The following TYW1 variants were observed in gnomAD, a reference collection of about 807,000 sequenced individuals.
TYW1 encodes the protein S-adenosyl-L-methionine-dependent tRNA 4-demethylwyosine synthase TYW1.
Under a neutral mutation model 96.2 loss-of-function variants are expected in TYW1, and 46 were observed. That is an observed-to-expected ratio of 0.48 (90% CI 0.38 to 0.61). TYW1 has a LOEUF of 0.61. Among genes scored for constraint, TYW1 ranks in the 20% least tolerant of loss-of-function variants. The pLI, the probability that TYW1 is intolerant of heterozygous loss-of-function variation, is 0.00. For missense variants in TYW1, 684 were observed against 909.6 expected, an observed-to-expected ratio of 0.75 and a Z score of 3.19; for synonymous variants, 274 against 323.0, an observed-to-expected ratio of 0.85 and a Z score of 1.63.
Position 67,083,462 on chromosome 7 carries a change from G to A in TYW1, c.1307G>A (p.Arg436Gln), listed in dbSNP as rs762429631. 23 of 1,613,996 alleles carry A rather than the reference G, an allele frequency of 1.4e-5. No homozygotes were observed. The highest frequency in any genetic ancestry group is 5.5e-5 in the South Asian group (5 of 91,088). Residue 436 changes from arginine (R) to glutamine (Q), a missense_variant, in exon 11 of 16, where the codon CGG becomes CAG. Transcript: ENST00000359626. ...HHTNPVGTEW[R>Q]WKMDQPEMIL... The stretch of plus-strand genomic sequence containing the variant: ...ACCAACCCCGTGGGCACTGAGTGGC[G>A]GTGGAAGATGGACCAGCCTGAAATG...
At position 67,238,777 on chromosome 7, in the gene TYW1, G is replaced by A; in HGVS notation, c.*248G>A. ...TTACTTCTAAGAGGAAAATTATTTT[G>A]GGGAGGAACTACACAGTCGTGATTA... On this transcript the variant is annotated 3_prime_UTR_variant, in exon 16 of 16. Coordinates refer to ENST00000359626, the MANE Select transcript of TYW1 (RefSeq NM_018264.4). 4 of 1,337,844 alleles carry A rather than the reference G, an allele frequency of 3.0e-6. No individual in the cohort carries two copies. The highest frequency in any genetic ancestry group is 3.8e-6 in the Non-Finnish European group (4 of 1,040,730). 82.9% of individuals were successfully genotyped at this position (1,337,844 alleles called of 1,614,324 possible). A position where few individuals can be genotyped will look rare whatever the true frequency, so the allele number is the denominator to read the frequency against.
intron 13 of TYW1, among the ~76,000 whole-genome samples, chr7:67,180,386 T>TA (rs1799797667): frequency 9.0e-6 from 1 of 111,596 alleles, no homozygotes; most frequent in East Asian, 2.3e-4. Flanking sequence ...AGCTGTTGGT[T>TA]TATATATATA....
At chr7:67,063,711 C>T (rs1354979654) in intron 9 of TYW1, among the ~76,000 whole-genome samples, 1 of 152,036 alleles carries the variant, frequency 6.6e-6, no homozygotes, top group African/African-American at 2.4e-5. Flanking sequence ...TCCCGTCATT[C>T]TCCTGCCTCA....
intron 13 of TYW1, among the ~76,000 whole-genome samples, chr7:67,128,263 T>G (rs1358723158): frequency 6.6e-6 from 1 of 152,216 alleles, no homozygotes; most frequent in Non-Finnish European, 1.5e-5. Flanking sequence ...CTTTTCAGTT[T>G]TAGAGGTTTC....
At chr7:67,168,955 G>A (rs1339864490) in intron 13 of TYW1, among the ~76,000 whole-genome samples, 2 of 151,798 alleles carry the variant, frequency 1.3e-5, no homozygotes, top group Non-Finnish European at 2.9e-5. Context: ...TAGGTGATCC[G>A]CCCACCTCGG....
intron 11 of TYW1, among the ~76,000 whole-genome samples, chr7:67,086,423 GGTGTATGTGTAT>G (rs953553678): frequency 6.0e-5 from 9 of 150,962 alleles, no homozygotes; most frequent in African/African-American, 1.7e-4. Flanking sequence ...AGAACCAGTG[GGTGTATGTGTAT>G]GTGTATGTGT....
intron 9 of TYW1, among the ~76,000 whole-genome samples, chr7:67,063,598 G>A (rs3980724): frequency 0.086 from 12,648 of 146,456 alleles, 763 homozygotes; most frequent in Middle Eastern, 0.15. Context: ...ACAAAAATCA[G>A]TTGTATTCTG....
intron 4 of TYW1, among the ~76,000 whole-genome samples, chr7:67,011,136 C>T (rs924054978): frequency 6.6e-5 from 10 of 152,112 alleles, no homozygotes; most frequent in Non-Finnish European, 1.3e-4. Context: ...CTCCAGGGTT[C>T]AAGTGATTCT....
At chr7:67,118,091 G>A (rs1434975178) in intron 13 of TYW1, among the ~76,000 whole-genome samples, 8 of 152,164 alleles carry the variant, frequency 5.3e-5, no homozygotes, top group Non-Finnish European at 8.8e-5. Context: ...TTGGGAGGGC[G>A]AGGCAGGTGG....
chr7:67,009,712 A>G lies in TYW1; in HGVS notation c.375+28A>G, dbSNP rs191076523. Reference sequence around the variant, plus strand: ...TGGTAATTGTCTTTTTCTTCAGTCAAAACTCTCAAATTTAACTGATCTGCA... The same window carrying G: ...TGGTAATTGTCTTTTTCTTCAGTCAGAACTCTCAAATTTAACTGATCTGCA... On this transcript the variant is annotated intron_variant, in intron 4 of 15. Coordinates refer to ENST00000359626, the MANE Select transcript of TYW1 (RefSeq NM_018264.4). 9.8e-4 allele frequency: 1,516 copies of G among 1,554,130 alleles called. 4 individuals are homozygous for G. The highest frequency in any genetic ancestry group is 1.9e-3 in the Admixed American group (93 of 49,402).
At chr7:67,080,960 T>G (rs1346367318) in intron 10 of TYW1, among the ~76,000 whole-genome samples, 4 of 142,440 alleles carry the variant, frequency 2.8e-5, no homozygotes, top group African/African-American at 7.6e-5. Context: ...TTTTTTTTTT[T>G]TTTTTTTGCA....
At chr7:67,118,572 A>C (rs1797667352) in intron 13 of TYW1, among the ~76,000 whole-genome samples, 1 of 151,858 alleles carries the variant, frequency 6.6e-6, no homozygotes, top group African/African-American at 2.4e-5. Context: ...ACAGATATGG[A>C]GGACCGACTA....
chr7:67,237,316 C>T lies in TYW1; in HGVS notation c.1978-992C>T, dbSNP rs201944860. On this transcript the variant is annotated intron_variant, in intron 15 of 15. Transcript: ENST00000359626. ...GAGATCGAGACCATCCTGGCTAACACGGTGAAACCCCGTCTCTACTAAAAA... is the reference window on the plus strand; with the variant it reads ...GAGATCGAGACCATCCTGGCTAACATGGTGAAACCCCGTCTCTACTAAAAA... Among the ~76,000 whole-genome samples the T allele has an allele frequency of 1.0e-4, 15 of 145,238 alleles. 1 individual carries two copies. In the South Asian group the frequency reaches 1.1e-3, roughly 11 times the overall value.
chr7:66,997,947 T>C, intron 1 of TYW1, 118 bp from the exon 2 acceptor site: 1 of 1,337,810 alleles, frequency 7.5e-7, no homozygotes, highest in Non-Finnish European at 1.0e-6. Flanking sequence ...ATTTTTAAAT[T>C]AGATTTCTTA....
intron 6 of TYW1, among the ~76,000 whole-genome samples, chr7:67,019,816 C>T (rs952917640): frequency 5.9e-5 from 9 of 152,260 alleles, no homozygotes; most frequent in African/African-American, 2.2e-4. Context: ...TGCTTTATAG[C>T]GATAATATTG....
intron 3 of TYW1, among the ~76,000 whole-genome samples, chr7:67,003,926 C>G (rs1199223844): frequency 6.6e-6 from 1 of 152,158 alleles, no homozygotes; most frequent in Non-Finnish European, 1.5e-5. Flanking sequence ...TGCCTGTAAT[C>G]CCAGCTACAC....
In TYW1 at chr7:66,996,860, C is replaced by A; in HGVS notation, c.-119C>A. On this transcript the variant is annotated 5_prime_UTR_variant, in exon 1 of 16. The change creates a new upstream start codon in the 5' untranslated region. Coordinates refer to ENST00000359626, the MANE Select transcript of TYW1 (RefSeq NM_018264.4). ...GGCAGTGTCATGGCTGCCCACAGGT[C>A]TGCAGGCACTCGGTACGCCGCTAAC... 6.4e-7 allele frequency: 1 copy of A among 1,565,398 alleles called. No homozygotes were observed. The highest frequency in any genetic ancestry group is 8.7e-7 in the Non-Finnish European group (1 of 1,151,152).
At chr7:67,020,260 TA>T (rs1206149683) in intron 6 of TYW1, among the ~76,000 whole-genome samples, 1 of 152,268 alleles carries the variant, frequency 6.6e-6, no homozygotes, top group African/African-American at 2.4e-5. Context: ...CTCAGGCCTG[TA>T]AATCCCTGCT....
At chr7:67,152,802 T>C (rs1681396149) in intron 13 of TYW1, among the ~76,000 whole-genome samples, 1 of 152,130 alleles carries the variant, frequency 6.6e-6, no homozygotes, top group African/African-American at 2.4e-5. Flanking sequence ...GGTTTCACCA[T>C]GTTAGCCAGT....
Sources: allele counts gnomAD v4.1 joint callset (sites outside exome capture counted in the v4.1 genomes callset), GRCh38; gene constraint gnomAD v4.1.1; transcripts MANE v1.5; gene names NCBI Gene and HGNC (gene_info 2026-07-23, HGNC 2026-07-21).